The following AGK variants were observed in gnomAD, a reference collection of about 807,000 sequenced individuals.
The protein encoded by AGK is acylglycerol kinase.
AGK carries 52 observed loss-of-function variants against 66.4 expected under a neutral mutation model. That is an observed-to-expected ratio of 0.78 (90% CI 0.63 to 0.99). The LOEUF (loss-of-function observed/expected upper bound fraction) is 0.99, where lower values mean the gene tolerates loss of function less well. AGK is among the 50% of genes least tolerant of loss of function. The pLI is 0.00. For missense variants in AGK, 451 were observed against 506.6 expected (o/e 0.89, Z 1.05); for synonymous variants, 182 against 181.1 (o/e 1.00, Z -0.04).
intron 2 of AGK, 121 bp from the exon 3 acceptor site, chr7:141,593,025 C>T (rs1005040415): frequency 3.7e-6 from 3 of 803,494 alleles, no homozygotes; most frequent in African/African-American, 3.5e-5. Context: ...TTTTAAGGAA[C>T]TTTCACTGGG....
chr7:141,637,365 A>G (rs2117005729), intron 11 of AGK, among the ~76,000 whole-genome samples: 1 of 152,288 alleles, frequency 6.6e-6, no homozygotes, highest in East Asian at 1.9e-4. Flanking sequence ...GTACCTGGAA[A>G]TGAATTGAAG....
intron 2 of AGK, among the ~76,000 whole-genome samples, chr7:141,575,573 T>A (rs1270704697): frequency 6.6e-6 from 1 of 150,814 alleles, no homozygotes; most frequent in East Asian, 1.9e-4. Flanking sequence ...TTGGACTAGA[T>A]AATTTCTAAG....
intron 4 of AGK, among the ~76,000 whole-genome samples, chr7:141,600,809 G>A: frequency 6.6e-6 from 1 of 152,114 alleles, no homozygotes; most frequent in East Asian, 1.9e-4. Context: ...GGTCTGCTTT[G>A]TTATGTTGTA....
chr7:141,651,496 C>T (rs1264386439), intron 14 of AGK, 29 bp from the exon 15 acceptor site: 1 of 1,611,124 alleles, frequency 6.2e-7, no homozygotes, highest in Non-Finnish European at 8.5e-7. Flanking sequence ...CATCACTGGT[C>T]TTAAGCTTGC....
At chr7:141,586,033 A>AG (rs1795987511) in intron 2 of AGK, among the ~76,000 whole-genome samples, 1 of 152,104 alleles carries the variant, frequency 6.6e-6, no homozygotes, top group African/African-American at 2.4e-5. Flanking sequence ...CTTGGAAATG[A>AG]GGTCTTCAGT....
chr7:141,651,406 A>T lies in AGK; in HGVS notation c.1047-119A>T. 6.4e-6 allele frequency: 5 copies of T among 779,696 alleles called. No individual in the cohort carries two copies. In the South Asian group the frequency reaches 7.7e-5, roughly 12 times the overall value. The allele number at this position is 779,696 out of a possible 1,614,324, so 48.3% of individuals were successfully genotyped here. On this transcript the variant is annotated intron_variant, in intron 14 of 15. Coordinates refer to ENST00000649286, the MANE Select transcript of AGK (RefSeq NM_018238.4). ...AATTATTTACAGAATTCTATGGCTT[A>T]ATAGACCATCTGTCCACTTATGTAA...
At chr7:141,619,023 C>T (rs773999668) in intron 8 of AGK, among the ~76,000 whole-genome samples, 3 of 151,926 alleles carry the variant, frequency 2.0e-5, no homozygotes, top group Non-Finnish European at 4.4e-5. Context: ...ATGATGGAAA[C>T]TACAAATCAG....
chr7:141,652,536 GGGA>G (rs1478775591), intron 15 of AGK: 8 of 342,180 alleles, frequency 2.3e-5, no homozygotes, highest in African/African-American at 1.6e-4. Flanking sequence ...AAAATACTCT[GGGA>G]GGAGATAGGG....
intron 11 of AGK, among the ~76,000 whole-genome samples, chr7:141,640,193 C>T (rs2117010809): frequency 6.6e-6 from 1 of 152,244 alleles, no homozygotes; most frequent in South Asian, 2.1e-4. Context: ...GAGGACAGAG[C>T]ACAGATACGT....
intron 2 of AGK, among the ~76,000 whole-genome samples, chr7:141,589,622 G>C (rs370832544): frequency 7.3e-5 from 11 of 151,488 alleles, no homozygotes; most frequent in Admixed American, 5.9e-4. Context: ...GTGCCATGAC[G>C]CGTTCTCGGC....
chr7:141,578,675 T>C (rs891472536), intron 2 of AGK, among the ~76,000 whole-genome samples: 3 of 151,146 alleles, frequency 2.0e-5, no homozygotes, highest in Non-Finnish European at 4.4e-5. Context: ...AGGGGTGACA[T>C]TGTGGGGTTG....
chr7:141,611,307 T>C lies in AGK; in HGVS notation c.390+20T>C. Reference sequence around the variant, plus strand: ...CAGGAGGTATGACTGTTTTTCTCTTTGAAGCTATTTTGAAGGTGAGAAAAA... The same window carrying C: ...CAGGAGGTATGACTGTTTTTCTCTTCGAAGCTATTTTGAAGGTGAGAAAAA... On this transcript the variant is annotated intron_variant, in intron 6 of 15. Coordinates refer to ENST00000649286, the MANE Select transcript of AGK (RefSeq NM_018238.4). 1 of 1,570,998 alleles carries C rather than the reference T, an allele frequency of 6.4e-7. No individual in the cohort carries two copies. Among genetic ancestry groups the C allele is most frequent in the Non-Finnish European group, 8.7e-7 (1 of 1,147,532 alleles).
At chr7:141,581,157 G>C (rs544668345) in intron 2 of AGK, among the ~76,000 whole-genome samples, 142 of 152,040 alleles carry the variant, frequency 9.3e-4, no homozygotes, top group Non-Finnish European at 1.6e-3. Context: ...GAAGAAATTT[G>C]GGCTTGACTG....
intron 2 of AGK, among the ~76,000 whole-genome samples, chr7:141,588,618 A>G (rs1026179468): frequency 7.1e-6 from 1 of 141,124 alleles, no homozygotes; most frequent in Non-Finnish European, 1.5e-5. Context: ...TTCGCCTCGG[A>G]AAAAAAAAAA....
chr7:141,624,744 C>T (rs918034581), intron 9 of AGK, among the ~76,000 whole-genome samples: 5 of 152,042 alleles, frequency 3.3e-5, no homozygotes, highest in Non-Finnish European at 7.4e-5. Flanking sequence ...GTGAGGATGC[C>T]GTGAACCATG....
intron 7 of AGK, 30 bp from the exon 8 acceptor site, chr7:141,615,441 A>G (rs372607264): frequency 8.2e-6 from 13 of 1,586,694 alleles, no homozygotes; most frequent in African/African-American, 1.3e-5. Flanking sequence ...GATCATAACA[A>G]TAAAACTTTC....
At chr7:141,639,115 G>A (rs1419887981) in intron 11 of AGK, among the ~76,000 whole-genome samples, 3 of 152,160 alleles carry the variant, frequency 2.0e-5, no homozygotes, top group Non-Finnish European at 4.4e-5. Context: ...TAAGAGTTTC[G>A]AGAAGCAAAA....
intron 11 of AGK, among the ~76,000 whole-genome samples, chr7:141,637,899 T>C (rs184678920): frequency 5.9e-5 from 9 of 152,264 alleles, no homozygotes; most frequent in Admixed American, 5.2e-4. Context: ...TAGAAGTAAA[T>C]GTATGTGATT....
At chr7:141,565,999 T>G (rs560682956) in intron 2 of AGK, among the ~76,000 whole-genome samples, 6 of 152,316 alleles carry the variant, frequency 3.9e-5, no homozygotes, top group African/African-American at 9.6e-5. Flanking sequence ...TCTCTAGACT[T>G]GCCACATTTT....
Sources: allele counts gnomAD v4.1 joint callset (sites outside exome capture counted in the v4.1 genomes callset), GRCh38; gene constraint gnomAD v4.1.1; transcripts MANE v1.5; gene names NCBI Gene and HGNC (gene_info 2026-07-23, HGNC 2026-07-21).